REG3G: variants seen among roughly 807,000 people sequenced by gnomAD.
REG3G encodes regenerating family member 3 gamma.
A neutral mutation model predicts 20.9 loss-of-function variants in REG3G; 19 were observed. That is an observed-to-expected ratio of 0.91 (90% CI 0.64 to 1.34). The LOEUF is 1.34. Among genes scored for constraint, REG3G ranks in the 40% most tolerant of loss-of-function variants. REG3G has a pLI of 0.00. For missense variants in REG3G, 235 were observed against 205.0 expected (o/e 1.15, Z -0.89); for synonymous variants, 89 against 77.4 (o/e 1.15, Z -0.79).
At position 79,027,090 on chromosome 2, in the gene REG3G, G is replaced by A; in HGVS notation, c.252G>A (p.Glu84=). The A allele has an allele frequency of 6.2e-7, 1 of 1,614,060 alleles. No homozygotes were observed. The highest frequency in any genetic ancestry group is 1.7e-5 in the Admixed American group (1 of 60,012). The change falls in exon 4 of 6, where the codon GAG becomes GAA. Residue 84 remains glutamate (E), a synonymous_variant. Coordinates refer to ENST00000272324, the MANE Select transcript of REG3G (RefSeq NM_001008387.3). ...GKLVSVLSGA[E]GSFVSSLVRS... ...TGGTGTCTGTGCTCAGTGGGGCTGA[G>A]GGATCCTTCGTGTCCTCCCTGGTGA...
In REG3G at chr2:79,028,235, T is replaced by A; in HGVS notation, c.487T>A (p.Cys163Ser). 6.2e-7 allele frequency: 1 copy of A among 1,613,214 alleles called. No individual in the cohort carries two copies. The highest frequency in any genetic ancestry group is 8.5e-7 in the Non-Finnish European group (1 of 1,179,254). Residue 163 changes from cysteine to serine, a missense_variant, in exon 6 of 6, where the codon TGT becomes AGT. Cys to Ser is a moderately radical substitution (Grantham distance 112). Transcript: ENST00000272324. ...TGFLKWKDYN[C>S]DAKLPYVCKF... Reference sequence around the variant, plus strand: ...ATTTCTGAAGTGGAAAGATTATAACTGTGATGCAAAGTTACCCTATGTCTG... The same window carrying A: ...ATTTCTGAAGTGGAAAGATTATAACAGTGATGCAAAGTTACCCTATGTCTG...
intron 5 of REG3G, 117 bp downstream of exon 5, chr2:79,028,050 C>T: frequency 1.5e-6 from 2 of 1,333,500 alleles, no homozygotes; most frequent in Non-Finnish European, 2.1e-6. Context: ...CTTCTCCCGT[C>T]TCCTCTCATC....
Position 79,026,107 on chromosome 2 carries a change from T to C in REG3G, c.14T>C (p.Met5Thr). The change falls in exon 2 of 6, where the codon ATG (methionine) becomes ACG (threonine). Residue 5 changes from methionine to threonine, a missense_variant. By Grantham distance (81) the Met-to-Thr change is moderately conservative. Transcript: ENST00000272324. ...GTCGCAGACACTATGCTGCCTCCCATGGCCCTGCCCAGTGTGTCCTGGATG... is the reference window on the plus strand; with the variant it reads ...GTCGCAGACACTATGCTGCCTCCCACGGCCCTGCCCAGTGTGTCCTGGATG... The part of the protein sequence containing the change: MLPP[M>T]ALPSVSWMLL... 2.5e-6 allele frequency: 4 copies of C among 1,613,996 alleles called. No homozygotes were observed. Among genetic ancestry groups the C allele is most frequent in the Non-Finnish European group, 3.4e-6 (4 of 1,179,884 alleles).
At chr2:79,028,020 G>C in intron 5 of REG3G, 87 bp downstream of exon 5, 3 of 1,545,346 alleles carry the variant, frequency 1.9e-6, no homozygotes, top group Non-Finnish European at 2.7e-6. Context: ...TTTCAGCTAG[G>C]TAATGCAGTG....
At chr2:79,026,929 G>A (rs970168640) in intron 3 of REG3G, 98 bp downstream of exon 3, 6 of 1,456,024 alleles carry the variant, frequency 4.1e-6, no homozygotes, top group Non-Finnish European at 5.6e-6. Context: ...TGGGAATGAG[G>A]ATGAACACGC....
rs996633445 is a variant in REG3G, at chr2:79,025,858, A to G, written c.-112+85A>G. 7.9e-6 allele frequency: 4 copies of G among 507,002 alleles called. No homozygotes were observed. In the Admixed American group the frequency reaches 1.3e-4, roughly 16 times the overall value. 31.4% of individuals were successfully genotyped at this position (507,002 alleles called of 1,614,324 possible). The stretch of plus-strand genomic sequence containing the variant: ...GAACGCATGGGAGGGTCCCTTCCTC[A>G]GGGAGCACAGGAGCTCTGAGACTCA... On this transcript the variant is annotated intron_variant, in intron 1 of 5. Transcript: ENST00000272324.
At position 79,028,248 on chromosome 2, in the gene REG3G, T is replaced by A. The variant is rs143651883; in HGVS notation, c.500T>A (p.Leu167Ter). 5.8e-5 allele frequency: 93 copies of A among 1,613,344 alleles called. No individual in the cohort carries two copies. In the African/African-American group the frequency reaches 9.5e-4, roughly 16 times the overall value. The change falls in exon 6 of 6, where the codon TTA (leucine) becomes TAA (stop). Residue 167 changes from leucine (L) to a stop codon, truncating the protein, a stop_gained. Coordinates refer to ENST00000272324, the MANE Select transcript of REG3G (RefSeq NM_001008387.3). LOFTEE classifies it high-confidence loss of function. Reference sequence around the variant, plus strand: ...AAAGATTATAACTGTGATGCAAAGTTACCCTATGTCTGCAAGTTCAAGGAC... The same window carrying A: ...AAAGATTATAACTGTGATGCAAAGTAACCCTATGTCTGCAAGTTCAAGGAC... The part of the protein sequence containing the change: ...KWKDYNCDAK[L>*]PYVCKFKD
intron 2 of REG3G, 122 bp downstream of exon 2, chr2:79,026,291 C>A (rs905116690): frequency 3.3e-6 from 3 of 911,174 alleles, no homozygotes; most frequent in African/African-American, 3.3e-5. Context: ...GCCTGCAGTT[C>A]CTGCATCATC....
At chr2:79,027,629 C>T (rs1379893275) in intron 4 of REG3G, among the ~76,000 whole-genome samples, 178 bp from the exon 5 acceptor site, 1 of 152,124 alleles carries the variant, frequency 6.6e-6, no homozygotes, top group Non-Finnish European at 1.5e-5. Flanking sequence ...TTGGGATTTT[C>T]CCAAAGCAAT....
intron 5 of REG3G, 101 bp downstream of exon 5, chr2:79,028,034 A>G (rs190940145): frequency 6.8e-7 from 1 of 1,473,864 alleles, no homozygotes; most frequent in East Asian, 2.3e-5. Context: ...TGCAGTGTTT[A>G]TGTGCCTTCT....
Position 79,026,810 on chromosome 2 carries a change from A to C in REG3G, c.174A>C (p.Pro58=). The change falls in exon 3 of 6, where the codon CCA becomes CCC. Residue 58 remains proline, a synonymous_variant. Transcript: ENST00000272324. ...GSPCYALFLS[P]KSWMDADLAC... is the part of the protein sequence containing the mutation. ...CCTGCTATGCCTTGTTTTTGTCACC[A>C]AAATCCTGGATGGATGCAGATGTGA... 1 of 1,612,742 alleles carries C rather than the reference A, an allele frequency of 6.2e-7. No individual in the cohort carries two copies. Among genetic ancestry groups the C allele is most frequent in the Non-Finnish European group, 8.5e-7 (1 of 1,179,680 alleles).
At chr2:79,026,236 C>G in intron 2 of REG3G, 67 bp downstream of exon 2, 1 of 1,503,478 alleles carries the variant, frequency 6.7e-7, no homozygotes, top group Non-Finnish European at 9.3e-7. Flanking sequence ...AGGAGGAAGG[C>G]TCCTGTGTGT....
intron 2 of REG3G, 133 bp downstream of exon 2, chr2:79,026,302 A>T (rs1671618709): frequency 1.2e-6 from 1 of 831,238 alleles, no homozygotes; most frequent in Non-Finnish European, 2.0e-6. Flanking sequence ...CTGCATCATC[A>T]CTCCTTCCTT....
rs772407270 is a variant in REG3G at position 79,027,870 on chromosome 2, T to C, written c.397T>C (p.Trp133Arg). 37 of 1,613,918 alleles carry C rather than the reference T, an allele frequency of 2.3e-5. No homozygotes were observed. The highest frequency in any genetic ancestry group is 1.7e-5 in the Non-Finnish European group (20 of 1,179,978). The change falls in exon 5 of 6, where the codon TGG becomes CGG. Residue 133 changes from tryptophan (W) to arginine (R), a missense_variant. By Grantham distance (101) the Trp-to-Arg change is moderately radical (BLOSUM62 -3). Transcript: ENST00000272324. ...CACTGATGTGATGAATTACTTTGCA[T>C]GGGAGAAAAATCCCTCCACCATCTT... ...SSTDVMNYFA[W>R]EKNPSTILNP... is the part of the protein sequence containing the mutation.
intron 4 of REG3G, among the ~76,000 whole-genome samples, chr2:79,027,532 C>T (rs889770103): frequency 3.3e-5 from 5 of 152,154 alleles, no homozygotes; most frequent in Non-Finnish European, 7.3e-5. Flanking sequence ...CTTTGAGGTT[C>T]GCAGGCTAAT....
At chr2:79,028,045 C>T (rs1313240780) in intron 5 of REG3G, 112 bp downstream of exon 5, 7 of 1,392,124 alleles carry the variant, frequency 5.0e-6, no homozygotes, top group Non-Finnish European at 6.0e-6. Flanking sequence ...TGTGCCTTCT[C>T]CCGTCTCCTC....
chr2:79,026,772 G>A lies in REG3G; in HGVS notation c.136G>A (p.Ala46Thr), dbSNP rs771696098. Reference sequence around the variant, plus strand: ...GATCAGCTGTCCCAAAGGCTCCAAGGCCTATGGCTCCCCCTGCTATGCCTT... The same window carrying A: ...GATCAGCTGTCCCAAAGGCTCCAAGACCTATGGCTCCCCCTGCTATGCCTT... ...PRISCPKGSK[A>T]YGSPCYALFL... The change falls in exon 3 of 6, where the codon GCC (alanine) becomes ACC (threonine). Residue 46 changes from alanine (A) to threonine (T), a missense_variant. By Grantham distance (58) the Ala-to-Thr change is moderately conservative (BLOSUM62 0). Coordinates refer to ENST00000272324, the MANE Select transcript of REG3G (RefSeq NM_001008387.3). The A allele has an allele frequency of 6.2e-7, 1 of 1,613,810 alleles. No individual in the cohort carries two copies. Among genetic ancestry groups the A allele is most frequent in the Admixed American group, 1.7e-5 (1 of 59,978 alleles).
intron 2 of REG3G, 28 bp downstream of exon 2, chr2:79,026,197 G>T (rs778851131): frequency 1.5e-5 from 24 of 1,609,044 alleles, no homozygotes; most frequent in Non-Finnish European, 2.0e-5. Context: ...CTAGCACTGG[G>T]TTCCCTATGA....
chr2:79,027,305 G>A (rs1255913590), intron 4 of REG3G, 134 bp downstream of exon 4: 6 of 959,234 alleles, frequency 6.3e-6, no homozygotes, highest in Non-Finnish European at 9.4e-6. Context: ...ACATTTGGGA[G>A]AATAGGAAGT....
Sources: gnomAD v4.1 joint callset for allele counts (sites outside exome capture counted in the v4.1 genomes callset) on GRCh38, gnomAD v4.1.1 for gene constraint, MANE v1.5 for transcripts, NCBI Gene and HGNC (gene_info 2026-07-23, HGNC 2026-07-21) for gene names.